The following ABTB3 variants were observed in gnomAD, a reference collection of about 807,000 sequenced individuals.
The protein encoded by ABTB3 is ankyrin repeat and BTB domain containing 3.
chr12:107,567,975 G>A, the ABTB3 span, among the ~76,000 whole-genome samples: 1 of 152,154 alleles, frequency 6.6e-6, no homozygotes, highest in African/African-American at 2.4e-5. Flanking sequence ...ATGTATTGAT[G>A]TGCTGATGCT....
chr12:107,596,469 C>G, the ABTB3 span, among the ~76,000 whole-genome samples: 8 of 152,108 alleles, frequency 5.3e-5, no homozygotes, highest in Admixed American at 5.2e-4. Context: ...AAAAATTAGC[C>G]AGGCATGGTA....
chr12:107,423,614 G>A, the ABTB3 span, among the ~76,000 whole-genome samples: 2 of 152,122 alleles, frequency 1.3e-5, no homozygotes, highest in African/African-American at 2.4e-5. Flanking sequence ...AGCAGGGGAC[G>A]TTGCACAGAG....
the ABTB3 span, among the ~76,000 whole-genome samples, chr12:107,576,204 T>A: frequency 6.6e-6 from 1 of 152,196 alleles, no homozygotes; most frequent in Non-Finnish European, 1.5e-5. Context: ...ATTTCTTGGT[T>A]TGGGGTACTG....
chr12:107,443,684 G>A, the ABTB3 span, among the ~76,000 whole-genome samples: 208 of 152,226 alleles, frequency 1.4e-3, no homozygotes, highest in African/African-American at 4.7e-3. Context: ...TCTGAGCGTC[G>A]TGTTGGGAAT....
chr12:107,603,747 T>A, the ABTB3 span, among the ~76,000 whole-genome samples: 5 of 152,038 alleles, frequency 3.3e-5, no homozygotes, highest in Non-Finnish European at 7.4e-5. Context: ...AAGGAAACAA[T>A]CAACAGGGTG....
chr12:107,458,426 A>G, the ABTB3 span, among the ~76,000 whole-genome samples: 1 of 152,196 alleles, frequency 6.6e-6, no homozygotes, highest in Non-Finnish European at 1.5e-5. Context: ...CTGGAGCCAG[A>G]ACAGCAGCCC....
chr12:107,397,944 C>T, the ABTB3 span, among the ~76,000 whole-genome samples: 1 of 152,174 alleles, frequency 6.6e-6, no homozygotes, highest in African/African-American at 2.4e-5. Flanking sequence ...CTTTTCCAAG[C>T]TGTTTTTTTC....
the ABTB3 span, chr12:107,650,514 G>C: frequency 6.6e-6 from 1 of 152,208 alleles, no homozygotes; most frequent in South Asian, 2.1e-4. Flanking sequence ...GTAAACAAAA[G>C]TGCGCTGGTG....
At chr12:107,414,543 T>C in the ABTB3 span, among the ~76,000 whole-genome samples, 1 of 152,168 alleles carries the variant, frequency 6.6e-6, no homozygotes, top group Non-Finnish European at 1.5e-5. Context: ...TAATTGACTT[T>C]AATTTCCTTC....
the ABTB3 span, chr12:107,617,476 G>A: frequency 1.2e-6 from 2 of 1,607,582 alleles, no homozygotes; most frequent in Non-Finnish European, 1.7e-6. Context: ...CCCGAGTGGT[G>A]TTTGTTAAAA....
chr12:107,319,600 G>C, the ABTB3 span: 1 of 1,537,852 alleles, frequency 6.5e-7, no homozygotes, highest in Admixed American at 2.0e-5. Context: ...ATCGCTGGAT[G>C]GTGGACAGCC....
chr12:107,356,101 T>A, the ABTB3 span, among the ~76,000 whole-genome samples: 1 of 152,224 alleles, frequency 6.6e-6, no homozygotes. Context: ...AATAAAAATG[T>A]TCATCCATAT....
the ABTB3 span, chr12:107,657,765 GCC>G: frequency 2.5e-6 from 4 of 1,589,756 alleles, no homozygotes; most frequent in Non-Finnish European, 3.4e-6. Flanking sequence ...CAGTTCTCCT[GCC>G]GCATTGGCTT....
At chr12:107,580,949 G>C in the ABTB3 span, 5 of 1,551,630 alleles carry the variant, frequency 3.2e-6, no homozygotes, top group Non-Finnish European at 4.4e-6. Context: ...GCCTGCCCCG[G>C]GGTCACCGGT....
chr12:107,470,202 C>A, the ABTB3 span, among the ~76,000 whole-genome samples: 3 of 151,570 alleles, frequency 2.0e-5, no homozygotes, highest in African/African-American at 7.3e-5. Context: ...CCATACTTGG[C>A]TAATTTTTGT....
the ABTB3 span, among the ~76,000 whole-genome samples, chr12:107,363,075 C>T: frequency 6.6e-6 from 1 of 152,154 alleles, no homozygotes; most frequent in East Asian, 1.9e-4. Context: ...GGGTGATAAC[C>T]CTTAAACTTA....
the ABTB3 span, among the ~76,000 whole-genome samples, chr12:107,442,713 C>A: frequency 3.3e-5 from 5 of 152,108 alleles, no homozygotes; most frequent in African/African-American, 1.2e-4. Context: ...CCCAGGGGGA[C>A]TCTTAAGTAA....
the ABTB3 span, among the ~76,000 whole-genome samples, chr12:107,538,820 A>G: frequency 6.6e-6 from 1 of 151,950 alleles, no homozygotes; most frequent in Admixed American, 6.5e-5. Flanking sequence ...CTGAGCCCCC[A>G]CCCCACAAAG....
chr12:107,596,944 C>CA, the ABTB3 span, among the ~76,000 whole-genome samples: 1 of 152,220 alleles, frequency 6.6e-6, no homozygotes, highest in Admixed American at 6.5e-5. Context: ...TGACTTTATT[C>CA]AGGTGTCCAG....
Sources: allele counts gnomAD v4.1 joint callset (sites outside exome capture counted in the v4.1 genomes callset), GRCh38; gene constraint gnomAD v4.1.1; transcripts MANE v1.5; gene names NCBI Gene and HGNC (gene_info 2026-07-23, HGNC 2026-07-21).